Variants in TYW1B observed in about 807,000 individuals in gnomAD.
TYW1B encodes the protein S-adenosyl-L-methionine-dependent tRNA 4-demethylwyosine synthase TYW1B.
TYW1B carries 73 observed loss-of-function variants against 86.9 expected under a neutral mutation model. The observed-to-expected ratio is 0.84, with a 90% confidence interval of 0.70 to 1.02. The LOEUF is 1.02. TYW1B is among the 50% of genes least tolerant of loss of function. The pLI, the probability that TYW1B is intolerant of heterozygous loss-of-function variation, is 0.00. For missense variants in TYW1B, 637 were observed against 827.4 expected (o/e 0.77, Z 2.82); for synonymous variants, 248 against 292.8 (o/e 0.85, Z 1.56).
intron 12 of TYW1B, among the ~76,000 whole-genome samples, chr7:72,627,114 C>A (rs1219240631): frequency 2.6e-5 from 4 of 152,000 alleles, no homozygotes; most frequent in Non-Finnish European, 5.9e-5. Context: ...AATGCCCTTA[C>A]CCCAGGTTTC....
chr7:72,731,895 G>A (rs1207967697), intron 8 of TYW1B, among the ~76,000 whole-genome samples: 1 of 152,118 alleles, frequency 6.6e-6, no homozygotes, highest in Non-Finnish European at 1.5e-5. Flanking sequence ...AACCGAGATT[G>A]TGCCACTGCA....
At chr7:72,825,087 A>G (rs1554481199) in intron 2 of TYW1B, among the ~76,000 whole-genome samples, 3 of 150,074 alleles carry the variant, frequency 2.0e-5, no homozygotes, top group African/African-American at 7.3e-5. Context: ...TGGGCAACAG[A>G]GAGACCCTGT....
chr7:72,728,759 C>G, intron 9 of TYW1B, 63 bp downstream of exon 9: 2 of 1,489,858 alleles, frequency 1.3e-6, no homozygotes, highest in Admixed American at 4.2e-5. Context: ...GGCAATTCTT[C>G]TGCCAATCTG....
intron 3 of TYW1B, among the ~76,000 whole-genome samples, chr7:72,812,527 T>C (rs1788639893): frequency 6.6e-6 from 1 of 152,152 alleles, no homozygotes; most frequent in South Asian, 2.1e-4. Context: ...TATCAAAGTT[T>C]GCTAATAATT....
intron 10 of TYW1B, among the ~76,000 whole-genome samples, chr7:72,702,304 CTT>C (rs1186667692): frequency 6.6e-6 from 1 of 152,146 alleles, no homozygotes; most frequent in African/African-American, 2.4e-5. Flanking sequence ...AGGAATGAGA[CTT>C]TGAAGGAGTT....
intron 11 of TYW1B, among the ~76,000 whole-genome samples, chr7:72,654,331 C>T (rs1813147617): frequency 6.6e-6 from 1 of 152,222 alleles, no homozygotes; most frequent in East Asian, 1.9e-4. Context: ...CACATAAGCA[C>T]AATTTAATCA....
chr7:72,600,445 A>G (rs1448967171), intron 13 of TYW1B, among the ~76,000 whole-genome samples: 3 of 152,224 alleles, frequency 2.0e-5, no homozygotes, highest in Non-Finnish European at 4.4e-5. Flanking sequence ...TGAATGTGGC[A>G]ATGAATTTTT....
chr7:72,815,304 C>T, intron 3 of TYW1B, 76 bp downstream of exon 3: 2 of 1,250,670 alleles, frequency 1.6e-6, no homozygotes, highest in South Asian at 3.0e-5. Flanking sequence ...TTCTAGTTAT[C>T]TAATTAAATT....
intron 7 of TYW1B, 51 bp downstream of exon 7, chr7:72,777,365 G>A: frequency 6.3e-7 from 1 of 1,595,644 alleles, no homozygotes; most frequent in African/African-American, 1.3e-5. Flanking sequence ...GGTATCAAAT[G>A]AGAATGCCTA....
chr7:72,656,420 C>T (rs1813205655), intron 11 of TYW1B, among the ~76,000 whole-genome samples: 1 of 152,042 alleles, frequency 6.6e-6, no homozygotes, highest in Non-Finnish European at 1.5e-5. Flanking sequence ...AGCATGATAC[C>T]TCTTGTGTTA....
chr7:72,756,290 G>GGT (rs1303183114), intron 7 of TYW1B, among the ~76,000 whole-genome samples: 2 of 149,950 alleles, frequency 1.3e-5, no homozygotes, highest in Non-Finnish European at 3.0e-5. Flanking sequence ...TCTGGAATGC[G>GGT]GTGGCATGAT....
At chr7:72,579,450 G>C (rs1424557675) in intron 13 of TYW1B, among the ~76,000 whole-genome samples, 1 of 152,222 alleles carries the variant, frequency 6.6e-6, no homozygotes, top group Non-Finnish European at 1.5e-5. Flanking sequence ...AAATGCCATA[G>C]TGTGGGGAAC....
intron 7 of TYW1B, among the ~76,000 whole-genome samples, chr7:72,767,433 A>C (rs1787789654): frequency 6.6e-6 from 1 of 151,638 alleles, no homozygotes; most frequent in Non-Finnish European, 1.5e-5. Flanking sequence ...GGTGAAACCC[A>C]TCTCTACTAA....
rs117506310 is a variant in TYW1B, at chr7:72,715,909, A to G, written c.1193-2111T>C. On this transcript the variant is annotated intron_variant, in intron 9 of 13. Coordinates refer to ENST00000620995, the MANE Select transcript of TYW1B (RefSeq NM_001145440.3). ...TGTTCATGTGTCTTCTCCGACTCCT[A>G]TTGGACATCTTTGTTTTGTTTGTTT... Among the ~76,000 whole-genome samples the G allele has an allele frequency of 4.7e-4, 71 of 151,942 alleles. No individual in the cohort carries two copies. In the East Asian group the frequency reaches 5.2e-3, roughly 11 times the overall value.
At chr7:72,794,754 T>C (rs1319168292) in intron 6 of TYW1B, among the ~76,000 whole-genome samples, 1 of 151,090 alleles carries the variant, frequency 6.6e-6, no homozygotes, top group East Asian at 1.9e-4. Flanking sequence ...TCAAAACACA[T>C]GACTAGGAGA....
Position 72,809,999 on chromosome 7 carries a change from CAA to C in TYW1B, c.432+470_432+471del, listed in dbSNP as rs59099398. 9.2e-4 allele frequency among the ~76,000 whole-genome samples: 70 copies of C among 75,916 alleles called. 1 individual carries two copies. The highest frequency in any genetic ancestry group is 2.6e-3 in the African/African-American group (59 of 23,052). 49.8% of individuals were successfully genotyped at this position (75,916 alleles called of 152,430 possible). A position where few individuals can be genotyped will look rare whatever the true frequency, so the allele number is the denominator to read the frequency against. The stretch of plus-strand genomic sequence containing the variant: ...GGGGGATAGAGCAAGACTCTGTTTC[CAA>C]AAAAAAAAAAAAAAACACAGAAGAG... On this transcript the variant is annotated intron_variant, in intron 4 of 13. Transcript: ENST00000620995.
At chr7:72,780,069 G>T (rs189857146) in intron 6 of TYW1B, among the ~76,000 whole-genome samples, 2 of 152,132 alleles carry the variant, frequency 1.3e-5, no homozygotes, top group African/African-American at 4.8e-5. Context: ...CTTAATGCTA[G>T]GCCTTTTATA....
In TYW1B at chr7:72,607,713, C is replaced by CA. The variant is rs565689560; in HGVS notation, c.1785+8958dup. 8.7e-4 allele frequency among the ~76,000 whole-genome samples: 128 copies of CA among 146,568 alleles called. 1 individual carries two copies. The highest frequency in any genetic ancestry group is 5.5e-4 in the African/African-American group (22 of 39,962). On this transcript the variant is annotated intron_variant, in intron 13 of 13. Coordinates refer to ENST00000620995, the MANE Select transcript of TYW1B (RefSeq NM_001145440.3). ...GCCTCAGATACCTGTGGGACCATAA[C>CA]AAAAAAAAAATCTAACATTTGTGTC...
rs1554455291 is a variant in TYW1B, at chr7:72,713,680, G to C, written c.1311C>G (p.Leu437=). 1.2e-6 allele frequency: 2 copies of C among 1,614,014 alleles called. No homozygotes were observed. The highest frequency in any genetic ancestry group is 2.2e-5 in the South Asian group (2 of 91,038). The part of the protein sequence containing the change: ...YPEINRFLKL[L]HQCKISSFLV... ...GGAAGCTGGAGATTTTACACTGGTG[G>C]AGTAGCTTCAAAAACCTGTTGATCT... Residue 437 remains leucine, a synonymous_variant, in exon 10 of 14, where the codon CTC becomes CTG. Coordinates refer to ENST00000620995, the MANE Select transcript of TYW1B (RefSeq NM_001145440.3).
Sources: allele counts gnomAD v4.1 joint callset (sites outside exome capture counted in the v4.1 genomes callset), GRCh38; gene constraint gnomAD v4.1.1; transcripts MANE v1.5; gene names NCBI Gene and HGNC (gene_info 2026-07-23, HGNC 2026-07-21).